The following MANBA variants were observed in gnomAD, a reference collection of about 807,000 sequenced individuals.
MANBA encodes mannosidase beta, also known as beta-mannosidase.
MANBA carries 83 observed loss-of-function variants against 111.1 expected under a neutral mutation model. That is an observed-to-expected ratio of 0.75 (90% CI 0.63 to 0.90). MANBA has a LOEUF of 0.90. Ranked by LOEUF, MANBA falls within the 40% of genes least tolerant of loss-of-function variation. The pLI is 0.00. For synonymous variants in MANBA, 370 were observed against 378.7 expected, an observed-to-expected ratio of 0.98 and a Z score of 0.27; for missense variants, 1,036 against 1,069.0, an observed-to-expected ratio of 0.97 and a Z score of 0.43.
At chr4:102,635,662 T>A (rs1161056568) in intron 15 of MANBA, among the ~76,000 whole-genome samples, 3 of 152,230 alleles carry the variant, frequency 2.0e-5, no homozygotes, top group African/African-American at 7.2e-5. Flanking sequence ...ACTGGTATCA[T>A]TTTACTGAGA....
intron 5 of MANBA, among the ~76,000 whole-genome samples, chr4:102,706,960 T>C (rs1733324371): frequency 6.6e-6 from 1 of 152,180 alleles, no homozygotes; most frequent in South Asian, 2.1e-4. Context: ...TATTCTAATT[T>C]TCAGTGTGCC....
intron 10 of MANBA, chr4:102,668,604 G>A: frequency 3.8e-6 from 1 of 261,490 alleles, no homozygotes; most frequent in South Asian, 4.4e-5. Flanking sequence ...TGCTGAGATG[G>A]AGAAAACTTC....
At chr4:102,692,728 G>A (rs562279801) in intron 5 of MANBA, among the ~76,000 whole-genome samples, 23 of 152,236 alleles carry the variant, frequency 1.5e-4, no homozygotes, top group African/African-American at 4.8e-4. Flanking sequence ...GGCAAAGTAT[G>A]GAGGGAGTTC....
chr4:102,748,386 G>C (rs1723662398), intron 1 of MANBA, among the ~76,000 whole-genome samples: 1 of 152,022 alleles, frequency 6.6e-6, no homozygotes, highest in South Asian at 2.1e-4. Flanking sequence ...GATCTGAAAT[G>C]ATGTCTAAGA....
intron 1 of MANBA, chr4:102,727,178 G>T (rs1578943128): frequency 2.9e-6 from 1 of 346,842 alleles, no homozygotes; most frequent in East Asian, 6.8e-5. Flanking sequence ...ACTATGGTCT[G>T]GGAGTCCCAG....
Position 102,689,640 on chromosome 4 carries a change from C to T in MANBA, c.894G>A (p.Gln298=), listed in dbSNP as rs758136452. The T allele has an allele frequency of 6.2e-7, 1 of 1,611,774 alleles. No individual in the cohort carries two copies. The highest frequency in any genetic ancestry group is 1.1e-5 in the South Asian group (1 of 90,984). The part of the protein sequence containing the change: ...ETWWPHGHGN[Q]TGYNMTVLFE... ...AAAGAACAGTCATGTTGTACCCAGT[C>T]TGGTTTCCATGTCCATGAGGCCACC... The change falls in exon 7 of 17, where the codon CAG becomes CAA. Residue 298 remains glutamine (Q), a synonymous_variant. Coordinates refer to ENST00000647097, the MANE Select transcript of MANBA (RefSeq NM_005908.4).
In MANBA at chr4:102,739,018, A is replaced by G. The variant is rs563732597; in HGVS notation, c.178-12335T>C. 1.1e-4 allele frequency among the ~76,000 whole-genome samples: 16 copies of G among 152,342 alleles called. No homozygotes were observed. In the South Asian group the frequency reaches 2.3e-3, roughly 22 times the overall value. On this transcript the variant is annotated intron_variant, in intron 1 of 16. Transcript: ENST00000647097. The stretch of plus-strand genomic sequence containing the variant: ...GAAGAAAAAAGATAAATGAAACAAA[A>G]ACTGGCTCGGTGAAAAGATAAATGA...
chr4:102,733,641 G>A (rs566510514), intron 1 of MANBA, among the ~76,000 whole-genome samples: 6 of 152,266 alleles, frequency 3.9e-5, no homozygotes, highest in South Asian at 2.1e-4. Context: ...GATTACAGGC[G>A]TAAGCCACCA....
Position 102,730,112 on chromosome 4 carries a change from G to GA in MANBA, c.178-3430dup, listed in dbSNP as rs1437876699. 3 of 1,167,032 alleles carry GA rather than the reference G, an allele frequency of 2.6e-6. No homozygotes were observed. The Admixed American group carries it at 7.5e-5, about 29-fold the overall frequency. 72.3% of individuals were successfully genotyped at this position (1,167,032 alleles called of 1,614,324 possible). A position where few individuals can be genotyped will look rare whatever the true frequency, so the allele number is the denominator to read the frequency against. On this transcript the variant is annotated intron_variant, in intron 1 of 16. Transcript: ENST00000647097. ...GCCCACTTGTGTAGGAGTGGCTGCT[G>GA]AAGGCCCGGGGCCCAGAGGTGGACA...
chr4:102,674,131 T>A, intron 7 of MANBA, 61 bp from the exon 8 acceptor site: 3 of 1,356,430 alleles, frequency 2.2e-6, no homozygotes, highest in Non-Finnish European at 2.1e-6. Context: ...ATAGTTTTTT[T>A]AAAAAAAGCA....
chr4:102,681,230 T>C (rs1385983382), intron 7 of MANBA, among the ~76,000 whole-genome samples: 1 of 152,098 alleles, frequency 6.6e-6, no homozygotes, highest in Non-Finnish European at 1.5e-5. Context: ...GTAGTAGTCC[T>C]AGCTACTCAG....
In MANBA at chr4:102,632,290, G is replaced by GA. The variant is rs5860729; in HGVS notation, c.2416-10dup. On this transcript the variant is annotated splice_polypyrimidine_tract_variant and intron_variant, in intron 16 of 16. Coordinates refer to ENST00000647097, the MANE Select transcript of MANBA (RefSeq NM_005908.4). ...TGCTGAGAGATGATGGCCTGAAAAAGAAAAAAAAAAATGAATGAAGTGAAG... is the reference window on the plus strand; with the variant it reads ...TGCTGAGAGATGATGGCCTGAAAAAGAAAAAAAAAAAATGAATGAAGTGAAG... 3.4e-3 allele frequency: 4,685 copies of GA among 1,371,468 alleles called. No homozygotes were observed. The highest frequency in any genetic ancestry group is 4.2e-3 in the Middle Eastern group (23 of 5,428). 85.0% of individuals were successfully genotyped at this position (1,371,468 alleles called of 1,614,324 possible).
At chr4:102,736,490 T>C (rs1217794795) in intron 1 of MANBA, among the ~76,000 whole-genome samples, 1 of 152,232 alleles carries the variant, frequency 6.6e-6, no homozygotes, top group Non-Finnish European at 1.5e-5. Context: ...ACTCCCCAGT[T>C]CTGCTTCAGA....
At position 102,735,350 on chromosome 4, in the gene MANBA, A is replaced by G. The variant is rs148918425; in HGVS notation, c.178-8667T>C. On this transcript the variant is annotated intron_variant, in intron 1 of 16. Transcript: ENST00000647097. ...CCCTTCAACCCATCATAGCACGTTC[A>G]AGGTGTGCCTTTTACTTCCACCTGT... Among the ~76,000 whole-genome samples the G allele has an allele frequency of 8.4e-3, 1,280 of 152,206 alleles. 7 individuals carry two copies. The highest frequency in any genetic ancestry group is 0.014 in the Non-Finnish European group (959 of 68,002).
intron 1 of MANBA, chr4:102,728,593 C>T (rs1371661059): frequency 4.4e-6 from 2 of 452,490 alleles, no homozygotes; most frequent in East Asian, 9.8e-5. Flanking sequence ...TAGCTGAAGG[C>T]ATAGGCATGG....
intron 5 of MANBA, among the ~76,000 whole-genome samples, chr4:102,700,908 T>C (rs1473588133): frequency 1.3e-5 from 2 of 152,122 alleles, no homozygotes; most frequent in African/African-American, 4.8e-5. Flanking sequence ...AATTCCTGGG[T>C]ATCCTTGTTA....
At chr4:102,755,237 TA>T (rs1723965028) in intron 1 of MANBA, among the ~76,000 whole-genome samples, 1 of 152,140 alleles carries the variant, frequency 6.6e-6, no homozygotes, top group Non-Finnish European at 1.5e-5. Context: ...AAGGCTACAG[TA>T]ACCAAAACAG....
At chr4:102,725,794 C>G (rs1424256005) in intron 2 of MANBA, among the ~76,000 whole-genome samples, 1 of 151,992 alleles carries the variant, frequency 6.6e-6, no homozygotes, top group Non-Finnish European at 1.5e-5. Flanking sequence ...CAAAAATTTG[C>G]AAGACCCACC....
chr4:102,642,897 C>T (rs1166510883), intron 13 of MANBA, among the ~76,000 whole-genome samples: 1 of 152,150 alleles, frequency 6.6e-6, no homozygotes, highest in Non-Finnish European at 1.5e-5. Context: ...TATCTATATA[C>T]TTTATTTACT....
Sources: allele counts gnomAD v4.1 joint callset (sites outside exome capture counted in the v4.1 genomes callset), GRCh38; gene constraint gnomAD v4.1.1; transcripts MANE v1.5; gene names NCBI Gene and HGNC (gene_info 2026-07-23, HGNC 2026-07-21).